Variants in SH3PXD2A observed in about 807,000 individuals in gnomAD.
The protein encoded by SH3PXD2A is SH3 and PX domain-containing protein 2A.
Under a neutral mutation model 115.2 loss-of-function variants are expected in SH3PXD2A, and 32 were observed. The observed-to-expected ratio is 0.28, with a 90% confidence interval of 0.21 to 0.37. The LOEUF (loss-of-function observed/expected upper bound fraction) is 0.37, where lower values mean the gene tolerates loss of function less well. Ranked by LOEUF, SH3PXD2A falls within the 10% of genes least tolerant of loss-of-function variation. The pLI is 1.00. For missense variants in SH3PXD2A, 1,328 were observed against 1,498.7 expected (o/e 0.89, Z 1.88); for synonymous variants, 610 against 629.1 (o/e 0.97, Z 0.45).
At chr10:103,677,230 C>T (rs1564861292) in intron 6 of SH3PXD2A, among the ~76,000 whole-genome samples, 1 of 152,254 alleles carries the variant, frequency 6.6e-6, no homozygotes, top group African/African-American at 2.4e-5. Flanking sequence ...GGAGCATCAA[C>T]GGCCCCTGGT....
At chr10:103,793,547 T>C (rs1208524537) in intron 2 of SH3PXD2A, among the ~76,000 whole-genome samples, 2 of 152,250 alleles carry the variant, frequency 1.3e-5, no homozygotes, top group Non-Finnish European at 2.9e-5. Flanking sequence ...CATGAGGCTG[T>C]CTGTGCCTGC....
At chr10:103,720,428 C>T (rs779786747) in intron 5 of SH3PXD2A, among the ~76,000 whole-genome samples, 2 of 152,158 alleles carry the variant, frequency 1.3e-5, no homozygotes, top group East Asian at 1.9e-4. Context: ...GGATCAAAGC[C>T]GAGGCGCTCA....
intron 1 of SH3PXD2A, among the ~76,000 whole-genome samples, chr10:103,827,377 C>T (rs1202927916): frequency 2.0e-5 from 3 of 152,114 alleles, no homozygotes; most frequent in African/African-American, 7.2e-5. Flanking sequence ...CCCGGTAACA[C>T]TACGGAAATG....
At chr10:103,631,304 T>A (rs958495747) in intron 8 of SH3PXD2A, among the ~76,000 whole-genome samples, 1 of 151,878 alleles carries the variant, frequency 6.6e-6, no homozygotes, top group East Asian at 1.9e-4. Flanking sequence ...TAAATAGAAA[T>A]TTACAAGTTA....
chr10:103,701,535 A>G (rs2037905323), intron 5 of SH3PXD2A, among the ~76,000 whole-genome samples: 1 of 145,262 alleles, frequency 6.9e-6, no homozygotes, highest in Non-Finnish European at 1.5e-5. Context: ...TCCATCCACC[A>G]TCCATCCATC....
intron 6 of SH3PXD2A, among the ~76,000 whole-genome samples, chr10:103,675,920 T>C (rs12413547): frequency 0.14 from 20,757 of 152,096 alleles, 1,766 homozygotes; most frequent in South Asian, 0.26. Flanking sequence ...ATGCCTGTAA[T>C]CTCAGCTACT....
intron 5 of SH3PXD2A, among the ~76,000 whole-genome samples, chr10:103,715,020 C>A (rs1457288224): frequency 6.6e-6 from 1 of 152,224 alleles, no homozygotes; most frequent in Non-Finnish European, 1.5e-5. Context: ...ACTCCCAGAG[C>A]AGAGAGGGAT....
At chr10:103,726,605 A>G (rs2038244480) in intron 4 of SH3PXD2A, among the ~76,000 whole-genome samples, 1 of 152,244 alleles carries the variant, frequency 6.6e-6, no homozygotes. Context: ...TGGATAAGGT[A>G]GTGAAGGTTT....
chr10:103,627,422 T>C lies in SH3PXD2A; in HGVS notation c.605-220A>G, dbSNP rs2036714933. Among the ~76,000 whole-genome samples the C allele has an allele frequency of 6.6e-6, 1 of 152,112 alleles. No homozygotes were observed. ...CACACTTCCCGAGAAGTGGGACCAA[T>C]AAACTGTGAGCCACACTAACAAATG... On this transcript the variant is annotated intron_variant, in intron 8 of 14. Transcript: ENST00000369774. This position sits in a 1 kb window ranked among gnomAD's most constrained non-coding sequence, Gnocchi z 4.4.
intron 13 of SH3PXD2A, among the ~76,000 whole-genome samples, chr10:103,610,502 G>T (rs917184348): frequency 6.6e-6 from 1 of 152,226 alleles, no homozygotes; most frequent in Non-Finnish European, 1.5e-5. Context: ...CATGGCCAAG[G>T]CAAGGAAGGT....
intron 6 of SH3PXD2A, among the ~76,000 whole-genome samples, chr10:103,677,169 G>T (rs911119133): frequency 6.6e-5 from 10 of 152,314 alleles, no homozygotes; most frequent in African/African-American, 1.2e-4. Flanking sequence ...CTTCTCTCCA[G>T]ACTGGACTCT....
chr10:103,789,980 A>G (rs2039019018), intron 2 of SH3PXD2A, among the ~76,000 whole-genome samples: 1 of 152,092 alleles, frequency 6.6e-6, no homozygotes, highest in Non-Finnish European at 1.5e-5. Flanking sequence ...GAAGCAGCTG[A>G]GCCTGGGAGG....
intron 1 of SH3PXD2A, among the ~76,000 whole-genome samples, chr10:103,837,307 T>C (rs967447887): frequency 6.6e-6 from 1 of 151,598 alleles, no homozygotes; most frequent in African/African-American, 2.4e-5. Context: ...GACCTGGGAG[T>C]CCCAGACAGA....
At chr10:103,716,023 A>C (rs1292741201) in intron 5 of SH3PXD2A, among the ~76,000 whole-genome samples, 1 of 152,100 alleles carries the variant, frequency 6.6e-6, no homozygotes, top group Admixed American at 6.5e-5. Context: ...CCAAAATATA[A>C]ATGGGAGGGG....
chr10:103,807,083 C>T (rs2039212424), intron 1 of SH3PXD2A, among the ~76,000 whole-genome samples: 1 of 152,228 alleles, frequency 6.6e-6, no homozygotes, highest in Admixed American at 6.5e-5. Context: ...TAGCCTTGCT[C>T]CTTTCAACAA....
chr10:103,759,570 TC>T (rs2038677737), intron 3 of SH3PXD2A, among the ~76,000 whole-genome samples: 1 of 152,216 alleles, frequency 6.6e-6, no homozygotes, highest in Non-Finnish European at 1.5e-5. Flanking sequence ...GGAGTGCAGC[TC>T]TTTTTGCTCC....
chr10:103,808,015 C>G (rs1274739480), intron 1 of SH3PXD2A, among the ~76,000 whole-genome samples: 1 of 152,120 alleles, frequency 6.6e-6, no homozygotes, highest in Non-Finnish European at 1.5e-5. Flanking sequence ...CAAAGTGCCC[C>G]CATGTACAAG....
At chr10:103,664,628 C>T (rs558159935) in intron 7 of SH3PXD2A, among the ~76,000 whole-genome samples, 82 of 151,712 alleles carry the variant, frequency 5.4e-4, no homozygotes, top group African/African-American at 1.9e-3. Context: ...TGGGACACAG[C>T]GGCTGCTTAA....
At chr10:103,697,871 A>G (rs1267750373) in intron 5 of SH3PXD2A, among the ~76,000 whole-genome samples, 1 of 152,156 alleles carries the variant, frequency 6.6e-6, no homozygotes, top group African/African-American at 2.4e-5. Flanking sequence ...CTGTTTTGAC[A>G]CATGGCTCCC....
Sources: gnomAD v4.1 joint callset for allele counts (sites outside exome capture counted in the v4.1 genomes callset) on GRCh38, gnomAD v4.1.1 for gene constraint, Gnocchi (gnomAD v3.1) non-coding constraint, MANE v1.5 for transcripts, NCBI Gene and HGNC (gene_info 2026-07-23, HGNC 2026-07-21) for gene names.